HAVCR1: variants seen among roughly 807,000 people sequenced by gnomAD.
The protein encoded by HAVCR1 is hepatitis A virus cellular receptor 1, also known as T cell immunoglobin domain and mucin domain protein 1.
In HAVCR1, 34 loss-of-function variants were observed where a neutral mutation model predicts 32.0. The ratio of observed to expected loss-of-function variants is 1.06; its 90% CI spans 0.81 to 1.42. The LOEUF (loss-of-function observed/expected upper bound fraction) is 1.42, where lower values mean the gene tolerates loss of function less well. Ranked by LOEUF, HAVCR1 falls within the 40% of genes most tolerant of loss-of-function variation. The pLI is 0.00. For synonymous variants in HAVCR1, 178 were observed against 170.3 expected (o/e 1.05, Z -0.35); for missense variants, 420 against 442.3 (o/e 0.95, Z 0.45).
upstream of HAVCR1, among the ~76,000 whole-genome samples, chr5:157,062,708 C>T (rs576266233): frequency 4.6e-5 from 7 of 152,158 alleles, no homozygotes; most frequent in Admixed American, 1.3e-4. Flanking sequence ...CTGCCCTAAG[C>T]TAGTTATTTT....
the HAVCR1 span, among the ~76,000 whole-genome samples, chr5:157,065,220 G>A: frequency 5.3e-5 from 8 of 152,180 alleles, no homozygotes; most frequent in Admixed American, 3.9e-4. Context: ...TCGGGAGGCT[G>A]AGGCAGGAGA....
upstream of HAVCR1, among the ~76,000 whole-genome samples, chr5:157,062,991 G>T (rs1431460904): frequency 6.6e-6 from 1 of 151,684 alleles, no homozygotes; most frequent in Non-Finnish European, 1.5e-5. Context: ...GTGGTGGCGC[G>T]TGCCTGTAGT....
At chr5:157,045,138 C>A (rs6555820) in intron 5 of HAVCR1, among the ~76,000 whole-genome samples, 75,263 of 151,730 alleles carry the variant, frequency 0.5, 18,885 homozygotes, top group Middle Eastern at 0.67. Flanking sequence ...AGGCACAGAA[C>A]GATATTAACA....
the HAVCR1 span, among the ~76,000 whole-genome samples, chr5:157,068,526 A>T: frequency 6.6e-6 from 1 of 151,556 alleles, no homozygotes; most frequent in Non-Finnish European, 1.5e-5. Flanking sequence ...GTTCAAGGTT[A>T]CAGTGAGCTA....
chr5:157,064,648 C>G, the HAVCR1 span, among the ~76,000 whole-genome samples: 1 of 152,162 alleles, frequency 6.6e-6, no homozygotes, highest in South Asian at 2.1e-4. Context: ...AGGTGGATCA[C>G]CTGAGGTCAG....
At position 157,042,680 on chromosome 5, in the gene HAVCR1, C is replaced by T. The variant is rs765540072; in HGVS notation, c.784G>A (p.Gly262Arg). 5 of 1,566,564 alleles carry T rather than the reference C, an allele frequency of 3.2e-6. No homozygotes were observed. Among genetic ancestry groups the T allele is most frequent in the Non-Finnish European group, 3.5e-6 (4 of 1,138,794 alleles). The change falls in exon 6 of 9, where the codon GGG becomes AGG. Residue 262 changes from glycine (G) to arginine (R), a missense_variant and splice_region_variant. By Grantham distance (125) the Gly-to-Arg change is moderately radical. Transcript: ENST00000523175. ...GAAGACTCTGTCACGGTGTCATTCCCATCTACTCAACAAGAAGGAAATTTA... is the reference window on the plus strand; with the variant it reads ...GAAGACTCTGTCACGGTGTCATTCCTATCTACTCAACAAGAAGGAAATTTA... Reference protein sequence around the residue: ...SSPLYSYTTDGNDTVTESSDG... With the variant: ...SSPLYSYTTDRNDTVTESSDG...
At chr5:157,044,498 A>G (rs1755171309) in intron 5 of HAVCR1, among the ~76,000 whole-genome samples, 1 of 120,406 alleles carries the variant, frequency 8.3e-6, no homozygotes, top group Non-Finnish European at 1.7e-5. Context: ...GAAGGAAGGA[A>G]GGAAGGAAGG....
At position 157,052,464 on chromosome 5, in the gene HAVCR1, AAC is replaced by A. The variant is rs1755801804; in HGVS notation, c.568_569del (p.Val190SerfsTer33). The A allele has an allele frequency of 6.2e-7, 1 of 1,603,572 alleles. No homozygotes were observed. Among genetic ancestry groups the A allele is most frequent in the African/African-American group, 1.3e-5 (1 of 74,500 alleles). ...TTMTVSTTTSVPTTTSIPTTT... is the reference protein window; with the variant it reads ...TTMTVSTTTSXPTTTSIPTTT... The stretch of plus-strand genomic sequence containing the variant: ...TTGTTGGAATGCTCGTTGTCGTTGG[AAC>A]GCTCGTTGTCGTTGAAACAGTCATT... On this transcript the variant is annotated frameshift_variant, in exon 4 of 9. Transcript: ENST00000523175. LOFTEE classifies it high-confidence loss of function.
chr5:157,031,794 CAA>C (rs57821791), intron 8 of HAVCR1, among the ~76,000 whole-genome samples: 26,945 of 106,798 alleles, frequency 0.25, 3,150 homozygotes, highest in Admixed American at 0.36. Flanking sequence ...CTGGGTGTCT[CAA>C]AAAAAAAAAA....
the HAVCR1 span, among the ~76,000 whole-genome samples, chr5:157,064,352 A>AAAAAAG: frequency 1.3e-4 from 19 of 145,154 alleles, no homozygotes; most frequent in South Asian, 2.1e-4. Context: ...AAAAAAAAAA[A>AAAAAAG]AAAGAAAGAA....
At position 157,058,925 on chromosome 5, in the gene HAVCR1, A is replaced by G. The variant is rs887308220; in HGVS notation, c.-17T>C. 6.6e-6 allele frequency: 1 copy of G among 152,246 alleles called. No homozygotes were observed. The highest frequency in any genetic ancestry group is 1.5e-5 in the Non-Finnish European group (1 of 68,032). The allele number at this position is 152,246 out of a possible 1,614,324, so 9.4% of individuals were successfully genotyped here. A position where few individuals can be genotyped will look rare whatever the true frequency, so the allele number is the denominator to read the frequency against. On this transcript the variant is annotated 5_prime_UTR_variant, in exon 1 of 9. Coordinates refer to ENST00000523175, the MANE Select transcript of HAVCR1 (RefSeq NM_001173393.3). ...AGAAGTCTGGAGCAGACTTACGTTCAGATCCAGGCTCTGTCACTCACAATG... is the reference window on the plus strand; with the variant it reads ...AGAAGTCTGGAGCAGACTTACGTTCGGATCCAGGCTCTGTCACTCACAATG...
Position 157,052,542 on chromosome 5 carries a change from T to C in HAVCR1, c.492A>G (p.Thr164=), listed in dbSNP as rs1301776051. 5.8e-6 allele frequency: 9 copies of C among 1,542,814 alleles called. No individual in the cohort carries two copies. The highest frequency in any genetic ancestry group is 7.8e-6 in the Non-Finnish European group (9 of 1,152,532). Residue 164 remains threonine (T), a synonymous_variant, in exon 4 of 9, where the codon ACA becomes ACG. Coordinates refer to ENST00000523175, the MANE Select transcript of HAVCR1 (RefSeq NM_001173393.3). ...GAATGCTCATTGTTGTTGGAACAGT[T>C]GTCGTTGGAACAGTCGTCATTGGAA... is the stretch of plus-strand genomic sequence containing the variant. ...TTVPMTTVPT[T]TVPTTMSIPT... is the part of the protein sequence containing the mutation.
At chr5:157,056,106 C>T (rs1047263870) in intron 2 of HAVCR1, among the ~76,000 whole-genome samples, 4 of 151,670 alleles carry the variant, frequency 2.6e-5, no homozygotes, top group Non-Finnish European at 2.9e-5. Context: ...CATGCCACCA[C>T]GCCCGGCTAA....
At chr5:157,038,226 A>C (rs1754655549) in intron 6 of HAVCR1, among the ~76,000 whole-genome samples, 1 of 152,178 alleles carries the variant, frequency 6.6e-6, no homozygotes, top group East Asian at 1.9e-4. Context: ...AATCATGAAG[A>C]AATGTAAAAT....
At chr5:157,064,352 AAAAG>A in the HAVCR1 span, among the ~76,000 whole-genome samples, 1 of 145,160 alleles carries the variant, frequency 6.9e-6, no homozygotes, top group African/African-American at 2.5e-5. Context: ...AAAAAAAAAA[AAAAG>A]AAAGAAAAAG....
intron 6 of HAVCR1, among the ~76,000 whole-genome samples, chr5:157,039,561 C>T (rs1235146435): frequency 6.6e-6 from 1 of 152,110 alleles, no homozygotes; most frequent in East Asian, 1.9e-4. Context: ...ATTGGTCAGG[C>T]TGGTCTCAAA....
At chr5:157,054,976 A>G (rs919056871) in intron 3 of HAVCR1, among the ~76,000 whole-genome samples, 2 of 152,206 alleles carry the variant, frequency 1.3e-5, no homozygotes, top group African/African-American at 4.8e-5. Context: ...ATATCAAGGA[A>G]CAATTGTACT....
the HAVCR1 span, among the ~76,000 whole-genome samples, chr5:157,066,009 T>C: frequency 1.5e-5 from 2 of 133,406 alleles, no homozygotes; most frequent in African/African-American, 5.9e-5. Context: ...TGAGCCGAGA[T>C]CGCACCACTG....
chr5:157,034,765 A>G (rs1754427122), intron 7 of HAVCR1, among the ~76,000 whole-genome samples: 1 of 151,578 alleles, frequency 6.6e-6, no homozygotes, highest in African/African-American at 2.4e-5. Context: ...TACTGCCTGC[A>G]AACACATTTT....
Sources: gnomAD v4.1 joint callset for allele counts (sites outside exome capture counted in the v4.1 genomes callset) on GRCh38, gnomAD v4.1.1 for gene constraint, MANE v1.5 for transcripts, NCBI Gene and HGNC (gene_info 2026-07-23, HGNC 2026-07-21) for gene names.